CALCR: variants seen among roughly 807,000 people sequenced by gnomAD.
CALCR encodes the protein calcitonin receptor.
CALCR carries 47 observed loss-of-function variants against 59.5 expected under a neutral mutation model. The ratio of observed to expected loss-of-function variants is 0.79; its 90% confidence interval spans 0.63 to 1.01. CALCR has a LOEUF of 1.01. CALCR is among the 50% of genes least tolerant of loss of function. The pLI is 0.00. For synonymous variants in CALCR, 213 were observed against 211.3 expected (o/e 1.01, Z -0.07); for missense variants, 566 against 597.1 (o/e 0.95, Z 0.54).
intron 5 of CALCR, among the ~76,000 whole-genome samples, chr7:93,476,055 C>T (rs1208076303): frequency 1.3e-5 from 2 of 151,674 alleles, no homozygotes; most frequent in Non-Finnish European, 2.9e-5. Flanking sequence ...GGACAGGGGT[C>T]AGGCATCTGC....
chr7:93,550,223 C>T (rs1164623791), intron 2 of CALCR, among the ~76,000 whole-genome samples: 1 of 152,012 alleles, frequency 6.6e-6, no homozygotes, highest in Non-Finnish European at 1.5e-5. Context: ...GGTGTGGTGG[C>T]TCACGCCTGT....
intron 2 of CALCR, among the ~76,000 whole-genome samples, chr7:93,565,773 T>A (rs1049354310): frequency 6.6e-6 from 1 of 152,200 alleles, no homozygotes; most frequent in Non-Finnish European, 1.5e-5. Flanking sequence ...CCCTGTGCCA[T>A]GAACTTCTGT....
At chr7:93,513,264 G>GA (rs547462551) in intron 2 of CALCR, among the ~76,000 whole-genome samples, 28 of 151,796 alleles carry the variant, frequency 1.8e-4, no homozygotes, top group Non-Finnish European at 3.4e-4. Flanking sequence ...CATAGAATGT[G>GA]AAAAAAAATT....
At position 93,468,807 on chromosome 7, in the gene CALCR, C is replaced by T; in HGVS notation, c.430-1G>A. ...CCAAATAGTACAGAACATATGCATT[C>T]TGGAACAACAAAAAGTAAACAAACA... On this transcript the variant is annotated splice_acceptor_variant, in intron 6 of 13. Coordinates refer to ENST00000426151, the MANE Select transcript of CALCR (RefSeq NM_001742.4). LOFTEE classifies it high-confidence loss of function. The T allele has an allele frequency of 7.3e-7, 1 of 1,368,632 alleles. No individual in the cohort carries two copies. The highest frequency in any genetic ancestry group is 1.0e-6 in the Non-Finnish European group (1 of 984,318). The allele number at this position is 1,368,632 out of a possible 1,614,324, so 84.8% of individuals were successfully genotyped here. A position where few individuals can be genotyped will look rare whatever the true frequency, so the allele number is the denominator to read the frequency against.
chr7:93,551,706 G>A (rs183793870), intron 2 of CALCR, among the ~76,000 whole-genome samples: 5 of 152,284 alleles, frequency 3.3e-5, no homozygotes, highest in Admixed American at 2.6e-4. Context: ...GAGGATGGAA[G>A]GTGCCAGTGA....
chr7:93,567,838 C>T (rs1411821774), intron 2 of CALCR, among the ~76,000 whole-genome samples: 2 of 152,074 alleles, frequency 1.3e-5, no homozygotes, highest in Non-Finnish European at 2.9e-5. Context: ...TGGTTTCCAG[C>T]TTCATCCATG....
At chr7:93,542,287 T>C (rs1239717542) in intron 2 of CALCR, among the ~76,000 whole-genome samples, 1 of 152,212 alleles carries the variant, frequency 6.6e-6, no homozygotes, top group Admixed American at 6.5e-5. Context: ...AGCATGTTAC[T>C]GTAATGGGTA....
chr7:93,433,440 G>T (rs535631563), intron 13 of CALCR, among the ~76,000 whole-genome samples: 5 of 152,206 alleles, frequency 3.3e-5, no homozygotes, highest in Non-Finnish European at 7.3e-5. Flanking sequence ...AGTTAATTGG[G>T]AGTTGGTCAG....
intron 7 of CALCR, among the ~76,000 whole-genome samples, chr7:93,462,740 T>C (rs1171492736): frequency 6.6e-6 from 1 of 152,084 alleles, no homozygotes; most frequent in Non-Finnish European, 1.5e-5. Context: ...CTGTTGTACA[T>C]TAGCTTAAAT....
intron 2 of CALCR, among the ~76,000 whole-genome samples, chr7:93,558,521 G>A (rs1789663102): frequency 6.6e-6 from 1 of 152,068 alleles, no homozygotes; most frequent in Non-Finnish European, 1.5e-5. Flanking sequence ...CAAAGAATCA[G>A]TAGAGATATT....
rs777320358 is a variant in CALCR at position 93,468,818 on chromosome 7, A to T, written c.430-12T>A. On this transcript the variant is annotated splice_polypyrimidine_tract_variant and intron_variant, in intron 6 of 13. Coordinates refer to ENST00000426151, the MANE Select transcript of CALCR (RefSeq NM_001742.4). ...AGAACATATGCATTCTGGAACAACA[A>T]AAAGTAAACAAACAAACAATGAATG... is the stretch of plus-strand genomic sequence containing the variant. 1 of 1,414,118 alleles carries T rather than the reference A, an allele frequency of 7.1e-7. No homozygotes were observed. Among genetic ancestry groups the T allele is most frequent in the Non-Finnish European group, 9.8e-7 (1 of 1,019,338 alleles). 87.6% of individuals were successfully genotyped at this position (1,414,118 alleles called of 1,614,324 possible). A position where few individuals can be genotyped will look rare whatever the true frequency, so the allele number is the denominator to read the frequency against.
chr7:93,570,751 G>T (rs947183784), intron 2 of CALCR, among the ~76,000 whole-genome samples: 1 of 152,126 alleles, frequency 6.6e-6, no homozygotes. Flanking sequence ...GCTTCAATGA[G>T]GTATATGTTG....
Position 93,425,434 on chromosome 7 carries a change from C to A in CALCR, c.*922G>T, listed in dbSNP as rs1799505423. 6.6e-6 allele frequency: 1 copy of A among 152,488 alleles called. No individual in the cohort carries two copies. Among genetic ancestry groups the A allele is most frequent in the Non-Finnish European group, 1.5e-5 (1 of 68,010 alleles). The allele number at this position is 152,488 out of a possible 1,614,324, so 9.4% of individuals were successfully genotyped here. The stretch of plus-strand genomic sequence containing the variant: ...TTTATCTTTTACTGCTAGATAGCAC[C>A]CAAGGGCAAGAGGTAATCTGCTTTA... On this transcript the variant is annotated 3_prime_UTR_variant, in exon 14 of 14. Coordinates refer to ENST00000426151, the MANE Select transcript of CALCR (RefSeq NM_001742.4).
intron 13 of CALCR, among the ~76,000 whole-genome samples, chr7:93,427,580 G>A (rs1799557416): frequency 6.6e-6 from 1 of 152,044 alleles, no homozygotes; most frequent in African/African-American, 2.4e-5. Context: ...AGAGAACCTG[G>A]GGAATATATA....
intron 2 of CALCR, among the ~76,000 whole-genome samples, chr7:93,540,907 TAATC>T (rs762238788): frequency 2.6e-5 from 4 of 151,728 alleles, no homozygotes; most frequent in Non-Finnish European, 5.9e-5. Context: ...TGCCCACTCA[TAATC>T]AATCAGGATT....
intron 2 of CALCR, among the ~76,000 whole-genome samples, chr7:93,570,331 TA>T (rs1563024735): frequency 1.3e-5 from 2 of 152,086 alleles, no homozygotes; most frequent in African/African-American, 2.4e-5. Flanking sequence ...ATTAGGAGAA[TA>T]AATATTTTAT....
chr7:93,495,363 C>A (rs977793002), intron 2 of CALCR, among the ~76,000 whole-genome samples: 19 of 151,396 alleles, frequency 1.3e-4, no homozygotes, highest in African/African-American at 4.6e-4. Context: ...AACCCAAGAA[C>A]CTAGAGAAGA....
At chr7:93,566,656 TG>T (rs1360416592) in intron 2 of CALCR, among the ~76,000 whole-genome samples, 1 of 152,176 alleles carries the variant, frequency 6.6e-6, no homozygotes, top group Non-Finnish European at 1.5e-5. Context: ...GCTGGGTCCC[TG>T]TAAGTTTTCT....
At chr7:93,568,509 T>TTCTCTCTCTCTCTCTCTCTCTCTCTCTC (rs4015269) in intron 2 of CALCR, among the ~76,000 whole-genome samples, 1 of 102,384 alleles carries the variant, frequency 9.8e-6, no homozygotes, top group Non-Finnish European at 1.9e-5. Flanking sequence ...TAAAATTACT[T>TTCTCTCTCTCTCTCTCTCTCTCTCTCTC]TCTCTCTCTC....
Sources: allele counts gnomAD v4.1 joint callset (sites outside exome capture counted in the v4.1 genomes callset), GRCh38; gene constraint gnomAD v4.1.1; transcripts MANE v1.5; gene names NCBI Gene and HGNC (gene_info 2026-07-23, HGNC 2026-07-21).